The following DNAAF11 variants were observed in gnomAD, a reference collection of about 807,000 sequenced individuals.
DNAAF11 encodes the protein leucine rich repeat containing 6.
A neutral mutation model predicts 60.8 loss-of-function variants in DNAAF11; 45 were observed. The ratio of observed to expected loss-of-function variants is 0.74; its 90% CI spans 0.58 to 0.95. The LOEUF (loss-of-function observed/expected upper bound fraction) is 0.95, where lower values mean the gene tolerates loss of function less well. Ranked by LOEUF, DNAAF11 falls within the 40% of genes least tolerant of loss-of-function variation. DNAAF11 has a pLI of 0.00. For missense variants in DNAAF11, 546 were observed against 546.2 expected (o/e 1.00, Z 0.00); for synonymous variants, 191 against 183.5 (o/e 1.04, Z -0.33).
intron 1 of DNAAF11, among the ~76,000 whole-genome samples, chr8:132,670,182 G>GA (rs918406499): frequency 2.0e-5 from 3 of 151,400 alleles, no homozygotes; most frequent in African/African-American, 7.3e-5. Context: ...ATGAAAAGCA[G>GA]AAAAAAATAG....
rs372199455 is a variant in DNAAF11, at chr8:132,611,352, G to A, written c.986C>T (p.Thr329Ile). Residue 329 changes from threonine (T) to isoleucine (I), a missense_variant, in exon 9 of 12, where the codon ACC (threonine) becomes ATC (isoleucine). Transcript: ENST00000620350. ...LDLAVYRYMD[T>I]SLIDVDVQPT... ...TTGCACATCAACATCGATTAAAGAG[G>A]TATCCATATACCTTCAAAATTAAAC... 2.5e-6 allele frequency: 4 copies of A among 1,600,606 alleles called. No homozygotes were observed. The highest frequency in any genetic ancestry group is 2.7e-5 in the African/African-American group (2 of 74,590).
Position 132,675,366 on chromosome 8 carries a change from C to A in DNAAF11, c.10+118G>T, listed in dbSNP as rs572162201. On this transcript the variant is annotated intron_variant, in intron 1 of 11. Transcript: ENST00000620350. ...CGGAGGGCCGGGTGGGGTTAGGGTC[C>A]GCCCAGGCGCGGGGGAACCGACAGC... 2.9e-5 allele frequency: 34 copies of A among 1,190,982 alleles called. No homozygotes were observed. The South Asian group carries it at 5.0e-4, about 17-fold the overall frequency. 73.8% of individuals were successfully genotyped at this position (1,190,982 alleles called of 1,614,324 possible). A position where few individuals can be genotyped will look rare whatever the true frequency, so the allele number is the denominator to read the frequency against.
intron 5 of DNAAF11, among the ~76,000 whole-genome samples, chr8:132,630,636 G>T (rs1820704625): frequency 6.6e-6 from 1 of 151,980 alleles, no homozygotes; most frequent in South Asian, 2.1e-4. Flanking sequence ...AACCACCAAA[G>T]AATGTATTTT....
At chr8:132,620,959 G>A (rs1040448550) in intron 7 of DNAAF11, among the ~76,000 whole-genome samples, 2 of 152,148 alleles carry the variant, frequency 1.3e-5, no homozygotes, top group South Asian at 2.1e-4. Flanking sequence ...CTACATGTTT[G>A]ATAAAGTCAT....
intron 9 of DNAAF11, 118 bp downstream of exon 9, chr8:132,611,176 G>A (rs1275352691): frequency 4.6e-6 from 3 of 649,162 alleles, no homozygotes; most frequent in Non-Finnish European, 5.2e-6. Flanking sequence ...TTACAGGCAT[G>A]AGCCACTGCG....
At chr8:132,606,069 T>C (rs1031330406) in intron 10 of DNAAF11, among the ~76,000 whole-genome samples, 4 of 151,368 alleles carry the variant, frequency 2.6e-5, no homozygotes, top group Non-Finnish European at 4.4e-5. Flanking sequence ...ATAATGGATC[T>C]GAAAAATTCC....
Position 132,622,627 on chromosome 8 carries a change from T to C in DNAAF11, c.898A>G (p.Asn300Asp). 6.2e-7 allele frequency: 1 copy of C among 1,613,822 alleles called. No individual in the cohort carries two copies. Among genetic ancestry groups the C allele is most frequent in the Non-Finnish European group, 8.5e-7 (1 of 1,179,816 alleles). The stretch of plus-strand genomic sequence containing the variant: ...CTCACATACTTGGGCTCATTCACAT[T>C]TAGGGCTTTCCCATCTTCAGTGATC... ...TLITEDGKAL[N>D]VNEPKIDFSL... is the part of the protein sequence containing the mutation. Residue 300 changes from asparagine to aspartate, a missense_variant, in exon 7 of 12, where the codon AAT becomes GAT. By Grantham distance (23) the Asn-to-Asp change is conservative. Transcript: ENST00000620350.
chr8:132,676,214 G>A (rs1164675886), upstream of DNAAF11, among the ~76,000 whole-genome samples: 1 of 151,984 alleles, frequency 6.6e-6, no homozygotes, highest in East Asian at 1.9e-4. Flanking sequence ...GTAAAATGTA[G>A]GAAGTATATC....
chr8:132,595,377 A>AAAAAAAAAAAT (rs1816902357), intron 10 of DNAAF11, among the ~76,000 whole-genome samples: 1 of 145,012 alleles, frequency 6.9e-6, no homozygotes, highest in African/African-American at 2.6e-5. Flanking sequence ...AAAAAAAAAA[A>AAAAAAAAAAAT]GCTGTGTCCA....
chr8:132,698,944 A>ATTTTGTGTGTGTATG, the DNAAF11 span, among the ~76,000 whole-genome samples: 2 of 142,522 alleles, frequency 1.4e-5, no homozygotes, highest in African/African-American at 5.5e-5. Context: ...ATACATATAT[A>ATTTTGTGTGTGTATG]TATATATATA....
intron 2 of DNAAF11, among the ~76,000 whole-genome samples, chr8:132,657,689 T>C (rs890508079): frequency 6.6e-6 from 1 of 152,210 alleles, no homozygotes; most frequent in South Asian, 2.1e-4. Flanking sequence ...AATGGGGCCT[T>C]TGAAAAATAG....
intron 9 of DNAAF11, among the ~76,000 whole-genome samples, 155 bp from the exon 10 acceptor site, chr8:132,610,416 A>T (rs528307370): frequency 6.6e-6 from 1 of 152,348 alleles, no homozygotes; most frequent in African/African-American, 2.4e-5. Context: ...TATGCTTTCT[A>T]TGCACAAACT....
In DNAAF11 at chr8:132,590,348, G is replaced by A. The variant is rs142228422; in HGVS notation, c.1141-6569C>T. Among the ~76,000 whole-genome samples the A allele has an allele frequency of 3.8e-3, 584 of 152,278 alleles. 11 individuals are homozygous for A. Among genetic ancestry groups the A allele is most frequent in the African/African-American group, 0.014 (566 of 41,556 alleles). On this transcript the variant is annotated intron_variant, in intron 10 of 11. Coordinates refer to ENST00000620350, the MANE Select transcript of DNAAF11 (RefSeq NM_012472.6). ...TTACTGCAGTTTTGGTTTCTTTCAG[G>A]TGACCTTTCCAGGTGACCTTGGTGT...
intron 10 of DNAAF11, among the ~76,000 whole-genome samples, chr8:132,594,376 A>T (rs553935920): frequency 1.3e-5 from 2 of 152,202 alleles, no homozygotes; most frequent in African/African-American, 4.8e-5. Context: ...GCTGAGAAAG[A>T]TGACTGTGAC....
At chr8:132,586,848 T>C (rs553024054) in intron 10 of DNAAF11, among the ~76,000 whole-genome samples, 1 of 152,282 alleles carries the variant, frequency 6.6e-6, no homozygotes, top group African/African-American at 2.4e-5. Flanking sequence ...TTTCCAGGTG[T>C]TGACCCCCAG....
At chr8:132,686,535 C>T in the DNAAF11 span, among the ~76,000 whole-genome samples, 88,240 of 151,934 alleles carry the variant, frequency 0.58, 28,333 homozygotes, top group African/African-American at 0.88. Flanking sequence ...TACTGCATTG[C>T]GGAAACTGGA....
At chr8:132,593,151 T>C (rs939236146) in intron 10 of DNAAF11, among the ~76,000 whole-genome samples, 1 of 151,512 alleles carries the variant, frequency 6.6e-6, no homozygotes, top group Admixed American at 6.6e-5. Flanking sequence ...TACATGATTA[T>C]ATAAAACTAA....
chr8:132,573,749 G>A (rs1006084765), intron 11 of DNAAF11, among the ~76,000 whole-genome samples: 3 of 152,080 alleles, frequency 2.0e-5, no homozygotes, highest in Non-Finnish European at 2.9e-5. Flanking sequence ...TATTTTCCTT[G>A]CAACCATCTC....
At chr8:132,583,889 T>C in intron 10 of DNAAF11, 110 bp from the exon 11 acceptor site, 1 of 743,734 alleles carries the variant, frequency 1.3e-6, no homozygotes, top group East Asian at 2.7e-5. Flanking sequence ...ATTTTTTCTC[T>C]ACATATTCCA....
Sources: gnomAD v4.1 joint callset for allele counts (sites outside exome capture counted in the v4.1 genomes callset) on GRCh38, gnomAD v4.1.1 for gene constraint, MANE v1.5 for transcripts, NCBI Gene and HGNC (gene_info 2026-07-23, HGNC 2026-07-21) for gene names.